The following POU6F2 variants were observed in gnomAD, a reference collection of about 807,000 sequenced individuals.
The protein encoded by POU6F2 is POU class 6 homeobox 2, also known as POU domain, class 6, transcription factor 2.
In POU6F2, 31 loss-of-function variants were observed where a neutral mutation model predicts 71.3. That is an observed-to-expected ratio of 0.43 (90% CI 0.33 to 0.59). POU6F2 has a LOEUF of 0.59. Among genes scored for constraint, POU6F2 ranks in the 20% least tolerant of loss-of-function variants. The pLI, the probability that POU6F2 is intolerant of heterozygous loss-of-function variation, is 0.04. For missense variants in POU6F2, 783 were observed against 856.8 expected (o/e 0.91, Z 1.07); for synonymous variants, 347 against 355.7 (o/e 0.98, Z 0.27).
chr7:39,287,828 G>T (rs1490165365), intron 4 of POU6F2, among the ~76,000 whole-genome samples: 1 of 152,160 alleles, frequency 6.6e-6, no homozygotes, highest in Non-Finnish European at 1.5e-5. Context: ...AGAATGTCAG[G>T]TGATTTCTGG....
At chr7:39,174,254 C>T (rs1036938606) in intron 2 of POU6F2, among the ~76,000 whole-genome samples, 2 of 152,212 alleles carry the variant, frequency 1.3e-5, no homozygotes, top group African/African-American at 4.8e-5. Flanking sequence ...CTCTTGCTGA[C>T]CAACAGGCAG....
intron 2 of POU6F2, among the ~76,000 whole-genome samples, chr7:39,114,581 T>C (rs1172145284): frequency 6.6e-6 from 1 of 152,028 alleles, no homozygotes. Context: ...AAAAGGTGAT[T>C]TTTTTTTCTG....
intron 5 of POU6F2, among the ~76,000 whole-genome samples, chr7:39,368,032 C>T (rs1786538878): frequency 6.6e-6 from 1 of 152,102 alleles, no homozygotes; most frequent in Non-Finnish European, 1.5e-5. Context: ...CCCTGAGGCA[C>T]TACAATGTTG....
chr7:39,117,811 A>T (rs1467489516), intron 2 of POU6F2, among the ~76,000 whole-genome samples: 1 of 151,796 alleles, frequency 6.6e-6, no homozygotes, highest in Non-Finnish European at 1.5e-5. Flanking sequence ...AAGGTGAGCA[A>T]CTCTCCCCCA....
chr7:38,987,410 C>A (rs1474360063), intron 1 of POU6F2, among the ~76,000 whole-genome samples: 1 of 152,066 alleles, frequency 6.6e-6, no homozygotes, highest in East Asian at 1.9e-4. Context: ...AGCCTCAATG[C>A]TGTTTATTAA....
At chr7:39,273,750 G>T (rs1283575253) in intron 4 of POU6F2, among the ~76,000 whole-genome samples, 1 of 151,940 alleles carries the variant, frequency 6.6e-6, no homozygotes, top group Non-Finnish European at 1.5e-5. Flanking sequence ...CTTTACCTCA[G>T]TAGATTGCAA....
rs752593197 is a variant in POU6F2, at chr7:39,464,179, C to T, written c.1659-3C>T. 1.9e-6 allele frequency: 3 copies of T among 1,612,862 alleles called. No individual in the cohort carries two copies. The highest frequency in any genetic ancestry group is 2.5e-6 in the Non-Finnish European group (3 of 1,179,106). ...ACTGTTCTTTCTCAATTTTCCCCCCCAGACACACCATCCTGAGAAGCCACT... is the reference window on the plus strand; with the variant it reads ...ACTGTTCTTTCTCAATTTTCCCCCCTAGACACACCATCCTGAGAAGCCACT... On this transcript the variant is annotated splice_region_variant and splice_polypyrimidine_tract_variant and intron_variant, in intron 9 of 9. Coordinates refer to ENST00000518318, the MANE Select transcript of POU6F2 (RefSeq NM_001370959.1). The surrounding 1 kb of genome is among the most constrained non-coding windows in gnomAD (Gnocchi z 4.1).
intron 4 of POU6F2, among the ~76,000 whole-genome samples, chr7:39,267,397 T>C (rs1784267400): frequency 6.6e-6 from 1 of 152,204 alleles, no homozygotes; most frequent in Admixed American, 6.5e-5. Context: ...TAAATGTTCA[T>C]TGAGTGTATA....
chr7:39,353,397 T>C (rs1480849895), intron 5 of POU6F2, among the ~76,000 whole-genome samples: 1 of 152,256 alleles, frequency 6.6e-6, no homozygotes, highest in Non-Finnish European at 1.5e-5. Flanking sequence ...TAAACTATTA[T>C]GTACATGTGA....
intron 7 of POU6F2, among the ~76,000 whole-genome samples, chr7:39,436,625 G>A (rs567198267): frequency 6.6e-6 from 1 of 152,014 alleles, no homozygotes; most frequent in East Asian, 1.9e-4. Context: ...TTCCTCTCTC[G>A]CCTGATTGCC....
At chr7:39,079,481 C>G (rs1018027650) in intron 1 of POU6F2, among the ~76,000 whole-genome samples, 1 of 152,048 alleles carries the variant, frequency 6.6e-6, no homozygotes, top group Non-Finnish European at 1.5e-5. Context: ...CCGGCCAAGT[C>G]TCACAATATC....
chr7:39,381,978 CCT>C (rs1786838398), intron 5 of POU6F2, among the ~76,000 whole-genome samples: 1 of 151,968 alleles, frequency 6.6e-6, no homozygotes, highest in African/African-American at 2.4e-5. Context: ...TAACAACTCC[CCT>C]GTTAGAAATT....
chr7:39,017,006 G>A (rs1462979492), intron 1 of POU6F2, among the ~76,000 whole-genome samples: 1 of 152,132 alleles, frequency 6.6e-6, no homozygotes, highest in Non-Finnish European at 1.5e-5. Flanking sequence ...CTTTGGGAGG[G>A]GAAGGCTGGA....
At chr7:39,213,099 A>G (rs998409364) in intron 4 of POU6F2, among the ~76,000 whole-genome samples, 1 of 152,254 alleles carries the variant, frequency 6.6e-6, no homozygotes, top group African/African-American at 2.4e-5. Context: ...TGTGCTACAT[A>G]GGAGATTTAT....
intron 4 of POU6F2, among the ~76,000 whole-genome samples, chr7:39,262,806 G>T (rs190736075): frequency 6.6e-6 from 1 of 152,094 alleles, no homozygotes; most frequent in South Asian, 2.1e-4. Flanking sequence ...AACATAAAAT[G>T]CATTGGAACC....
At chr7:39,322,545 T>C (rs1785418940) in intron 4 of POU6F2, among the ~76,000 whole-genome samples, 1 of 152,250 alleles carries the variant, frequency 6.6e-6, no homozygotes, top group African/African-American at 2.4e-5. Flanking sequence ...TTTATCCAGA[T>C]AACCTTTCAG....
intron 8 of POU6F2, among the ~76,000 whole-genome samples, chr7:39,458,824 G>A (rs911452459): frequency 5.9e-5 from 9 of 151,762 alleles, no homozygotes; most frequent in Admixed American, 6.6e-5. Flanking sequence ...AGGTCCCTAC[G>A]GTGCCCTGCT....
chr7:39,027,932 G>A (rs1181052279), intron 1 of POU6F2, among the ~76,000 whole-genome samples: 3 of 152,052 alleles, frequency 2.0e-5, no homozygotes, highest in African/African-American at 7.2e-5. Context: ...TATTTCAGAT[G>A]CATATACCAA....
chr7:39,432,151 A>G (rs527237711), intron 6 of POU6F2, among the ~76,000 whole-genome samples: 1 of 152,172 alleles, frequency 6.6e-6, no homozygotes, highest in Non-Finnish European at 1.5e-5. Flanking sequence ...TTTTCTATTC[A>G]TGGTGCCTTT....
Sources: allele counts gnomAD v4.1 joint callset (sites outside exome capture counted in the v4.1 genomes callset), GRCh38; gene constraint gnomAD v4.1.1; non-coding constraint Gnocchi (gnomAD v3.1); transcripts MANE v1.5; gene names NCBI Gene and HGNC (gene_info 2026-07-23, HGNC 2026-07-21).